The following MAGI3 variants were observed in gnomAD, a reference collection of about 807,000 sequenced individuals.
MAGI3 encodes the protein membrane associated guanylate kinase, WW and PDZ domain containing 3.
MAGI3 carries 43 observed loss-of-function variants against 121.8 expected under a neutral mutation model. That is an observed-to-expected ratio of 0.35 (90% CI 0.28 to 0.46). MAGI3 has a LOEUF of 0.46. Among genes scored for constraint, MAGI3 ranks in the 20% least tolerant of loss-of-function variants. The probability of loss-of-function intolerance (pLI) is 1.00; values close to 1 mark genes in which losing one functional copy is unlikely to be tolerated. For missense variants in MAGI3, 1,547 were observed against 1,797.3 expected, an observed-to-expected ratio of 0.86 and a Z score of 2.52; for synonymous variants, 553 against 639.3, an observed-to-expected ratio of 0.86 and a Z score of 2.04.
At chr1:113,547,439 C>T (rs929931773) in intron 1 of MAGI3, among the ~76,000 whole-genome samples, 5 of 152,112 alleles carry the variant, frequency 3.3e-5, no homozygotes, top group African/African-American at 4.8e-5. Flanking sequence ...TCGGAGCCTA[C>T]ATTATGTTGT....
Position 113,627,613 on chromosome 1 carries a change from A to T in MAGI3, c.1360+4619A>T, listed in dbSNP as rs192923171. ...ATATTATATAATAATTATATATATA[A>T]AATATATAATTGTAATATATGATAA... On this transcript the variant is annotated intron_variant, in intron 9 of 20. Transcript: ENST00000307546. 1.1e-3 allele frequency among the ~76,000 whole-genome samples: 158 copies of T among 148,186 alleles called. 2 individuals carry two copies. In the East Asian group the frequency reaches 0.012, roughly 11 times the overall value.
chr1:113,473,374 C>T (rs367692740), intron 1 of MAGI3, among the ~76,000 whole-genome samples: 1 of 152,080 alleles, frequency 6.6e-6, no homozygotes, highest in Non-Finnish European at 1.5e-5. Flanking sequence ...ACTAACTCAT[C>T]ATTTACATTA....
intron 1 of MAGI3, among the ~76,000 whole-genome samples, chr1:113,416,137 TA>T (rs372792359): frequency 4.7e-5 from 1 of 21,260 alleles, no homozygotes; most frequent in African/African-American, 2.4e-4. Context: ...TGACACATAT[TA>T]ATTATGTAAT....
chr1:113,671,823 A>G lies in MAGI3; in HGVS notation c.2905A>G (p.Ile969Val). The G allele has an allele frequency of 6.2e-7, 1 of 1,614,070 alleles. No homozygotes were observed. Among genetic ancestry groups the G allele is most frequent in the East Asian group, 2.2e-5 (1 of 44,890 alleles). Residue 969 changes from isoleucine (I) to valine (V), a missense_variant, in exon 17 of 21, where the codon ATA becomes GTA. Coordinates refer to ENST00000307546, the MANE Select transcript of MAGI3 (RefSeq NM_001142782.2). ...CATGGGACAGTCACAGGCCAACCAC[A>G]TACCTGGGGACAGGTGGGGCTATTT... is the stretch of plus-strand genomic sequence containing the variant. ...RPMGQSQANH[I>V]PGDRSALEGE...
intron 2 of MAGI3, among the ~76,000 whole-genome samples, chr1:113,571,067 G>T (rs1647268475): frequency 6.6e-6 from 1 of 152,142 alleles, no homozygotes; most frequent in South Asian, 2.1e-4. Context: ...ATTAATTTTT[G>T]TGTAAGGTGT....
intron 1 of MAGI3, among the ~76,000 whole-genome samples, chr1:113,437,807 T>C (rs546681574): frequency 1.3e-3 from 4 of 3,056 alleles, no homozygotes; most frequent in African/African-American, 4.7e-3. Flanking sequence ...CTTTCTTCTT[T>C]TCTTCTTCTT....
chr1:113,433,104 C>T (rs1164846398), intron 1 of MAGI3, among the ~76,000 whole-genome samples: 1 of 151,926 alleles, frequency 6.6e-6, no homozygotes, highest in Non-Finnish European at 1.5e-5. Flanking sequence ...AATTTGCATC[C>T]CTTGATTTTT....
Position 113,683,960 on chromosome 1 carries a change from T to C in MAGI3, c.4392T>C (p.Val1464=). 1.2e-6 allele frequency: 2 copies of C among 1,601,876 alleles called. No homozygotes were observed. Among genetic ancestry groups the C allele is most frequent in the African/African-American group, 1.3e-5 (1 of 74,194 alleles). Reference sequence around the variant, plus strand: ...TGATAACTCCAGGGCCCTGGAAGGTTCCAAGTGGAAATAAAGTCACAGGCA... The same window carrying C: ...TGATAACTCCAGGGCCCTGGAAGGTCCCAAGTGGAAATAAAGTCACAGGCA... ...KTLITPGPWK[V]PSGNKVTGTI... The change falls in exon 21 of 21, where the codon GTT becomes GTC. Residue 1464 remains valine, a synonymous_variant. Coordinates refer to ENST00000307546, the MANE Select transcript of MAGI3 (RefSeq NM_001142782.2).
intron 6 of MAGI3, among the ~76,000 whole-genome samples, chr1:113,596,977 C>G (rs1452687158): frequency 6.6e-6 from 1 of 152,034 alleles, no homozygotes. Context: ...TAGGTATCTA[C>G]CCAAGAGGAA....
At chr1:113,542,514 A>C (rs2101657642) in intron 1 of MAGI3, among the ~76,000 whole-genome samples, 1 of 152,334 alleles carries the variant, frequency 6.6e-6, no homozygotes, top group South Asian at 2.1e-4. Context: ...CTCTTTTATA[A>C]TGTTTCCACG....
In MAGI3 at chr1:113,536,698, G is replaced by GA. The variant is rs557699804; in HGVS notation, c.317-12817_317-12816insA. Among the ~76,000 whole-genome samples the GA allele has an allele frequency of 1.1e-4, 17 of 151,838 alleles. 1 individual carries two copies. The South Asian group carries it at 3.5e-3, about 32-fold the overall frequency. On this transcript the variant is annotated intron_variant, in intron 1 of 20. Coordinates refer to ENST00000307546, the MANE Select transcript of MAGI3 (RefSeq NM_001142782.2). ...GTTGTTGGTTCCAGCTAACATGACT[G>GA]TTCCAGAGAGTACTTTGTGATTTTT...
intron 10 of MAGI3, 150 bp downstream of exon 10, chr1:113,642,666 A>T: frequency 2.3e-6 from 2 of 851,594 alleles, no homozygotes; most frequent in Non-Finnish European, 3.5e-6. Context: ...GATTGTTTCC[A>T]TAAGCAGTGT....
At chr1:113,540,241 C>T (rs1453190087) in intron 1 of MAGI3, among the ~76,000 whole-genome samples, 2 of 152,106 alleles carry the variant, frequency 1.3e-5, no homozygotes, top group Non-Finnish European at 2.9e-5. Context: ...CATTTTTGCA[C>T]GTTTAAGACA....
chr1:113,660,479 G>C (rs1146184), intron 16 of MAGI3, among the ~76,000 whole-genome samples: 61,304 of 151,556 alleles, frequency 0.4, 14,909 homozygotes, highest in African/African-American at 0.68. Flanking sequence ...GCCTTCCCCC[G>C]CAACCGCAAC....
At chr1:113,651,975 C>T (rs1051169733) in intron 14 of MAGI3, among the ~76,000 whole-genome samples, 1 of 152,032 alleles carries the variant, frequency 6.6e-6, no homozygotes, top group Non-Finnish European at 1.5e-5. Context: ...CTTACTATGT[C>T]CTAGATGCAT....
intron 1 of MAGI3, among the ~76,000 whole-genome samples, chr1:113,447,816 C>G (rs1018308010): frequency 6.6e-6 from 1 of 151,920 alleles, no homozygotes; most frequent in Non-Finnish European, 1.5e-5. Context: ...GATCACGCCA[C>G]TGCACTCCAG....
Position 113,641,917 on chromosome 1 carries a change from T to C in MAGI3, c.1367T>C (p.Val456Ala), listed in dbSNP as rs1214046129. ...AQDGKIAPGD[V>A]IVDINGNCVL... ...CATGATTATGTTTTTCCAGGCGATG[T>C]TATTGTAGACATCAATGGCAACTGT... The change falls in exon 10 of 21, where the codon GTT becomes GCT. Residue 456 changes from valine (V) to alanine (A), a missense_variant. By Grantham distance (64) the Val-to-Ala change is moderately conservative. Coordinates refer to ENST00000307546, the MANE Select transcript of MAGI3 (RefSeq NM_001142782.2). 1 of 1,576,014 alleles carries C rather than the reference T, an allele frequency of 6.3e-7. No individual in the cohort carries two copies. The highest frequency in any genetic ancestry group is 2.3e-5 in the East Asian group (1 of 43,956).
At chr1:113,485,463 A>G (rs967899264) in intron 1 of MAGI3, among the ~76,000 whole-genome samples, 2 of 152,048 alleles carry the variant, frequency 1.3e-5, no homozygotes, top group Admixed American at 1.3e-4. Context: ...TCTTCTTCTG[A>G]GAGTTATCTA....
At chr1:113,530,320 A>T (rs999906270) in intron 1 of MAGI3, among the ~76,000 whole-genome samples, 1 of 145,330 alleles carries the variant, frequency 6.9e-6, no homozygotes, top group African/African-American at 2.5e-5. Flanking sequence ...TCCTACCAGA[A>T]AGGAAAAAAA....
Sources: allele counts gnomAD v4.1 joint callset (sites outside exome capture counted in the v4.1 genomes callset), GRCh38; gene constraint gnomAD v4.1.1; transcripts MANE v1.5; gene names NCBI Gene and HGNC (gene_info 2026-07-23, HGNC 2026-07-21).